The following PID1 variants were observed in gnomAD, a reference collection of about 807,000 sequenced individuals.
The protein encoded by PID1 is phosphotyrosine interaction domain containing 1.
In PID1, 10 loss-of-function variants were observed where a neutral mutation model predicts 19.1. The ratio of observed to expected loss-of-function variants is 0.52; its 90% CI spans 0.32 to 0.89. The LOEUF is 0.89. Among genes scored for constraint, PID1 ranks in the 40% least tolerant of loss-of-function variants. PID1 has a pLI of 0.03. For synonymous variants in PID1, 130 were observed against 116.0 expected (o/e 1.12, Z -0.78); for missense variants, 248 against 285.3 (o/e 0.87, Z 0.94).
At chr2:229,122,472 G>A (rs1695543168) in intron 2 of PID1, among the ~76,000 whole-genome samples, 2 of 152,006 alleles carry the variant, frequency 1.3e-5, no homozygotes, top group South Asian at 4.2e-4. Flanking sequence ...AAAACCCTGG[G>A]GTTTTACAGC....
intron 2 of PID1, among the ~76,000 whole-genome samples, chr2:229,060,785 C>T (rs2106192721): frequency 6.6e-6 from 1 of 152,116 alleles, no homozygotes; most frequent in South Asian, 2.1e-4. Flanking sequence ...CACTTCTTAC[C>T]ATCTGTCTTT....
At chr2:229,228,942 G>T (rs548194764) in intron 1 of PID1, among the ~76,000 whole-genome samples, 1 of 152,240 alleles carries the variant, frequency 6.6e-6, no homozygotes, top group East Asian at 1.9e-4. Context: ...TTCTCTACCT[G>T]ACCTGGTGTG....
At chr2:229,177,158 C>T (rs1416654452) in intron 1 of PID1, among the ~76,000 whole-genome samples, 1 of 152,142 alleles carries the variant, frequency 6.6e-6, no homozygotes, top group Non-Finnish European at 1.5e-5. Context: ...AAGACCCACC[C>T]CCATGATTCA....
intron 2 of PID1, among the ~76,000 whole-genome samples, chr2:229,125,290 T>C (rs12474997): frequency 0.071 from 10,748 of 152,100 alleles, 535 homozygotes; most frequent in South Asian, 0.22. Context: ...ATCAGAGCCC[T>C]CCAGCAATGA....
At chr2:229,245,092 G>C (rs1689967944) in intron 1 of PID1, 1 of 152,074 alleles carries the variant, frequency 6.6e-6, no homozygotes, top group Non-Finnish European at 1.5e-5. Context: ...ACACTTAAAA[G>C]AGCTGTCCAA....
At chr2:229,046,520 T>TA (rs1045482867) in intron 2 of PID1, among the ~76,000 whole-genome samples, 15 of 152,076 alleles carry the variant, frequency 9.9e-5, no homozygotes, top group Non-Finnish European at 1.8e-4. Context: ...GGCTAGATCT[T>TA]ACGGTGAAAA....
intron 1 of PID1, among the ~76,000 whole-genome samples, chr2:229,239,970 T>G (rs1268292972): frequency 6.6e-6 from 1 of 152,010 alleles, no homozygotes; most frequent in Non-Finnish European, 1.5e-5. Flanking sequence ...TAGGTGGGAG[T>G]TCTATTTTCA....
chr2:229,055,079 C>T (rs1694072401), intron 2 of PID1, among the ~76,000 whole-genome samples: 1 of 152,122 alleles, frequency 6.6e-6, no homozygotes, highest in Non-Finnish European at 1.5e-5. Context: ...TGGTGACTGA[C>T]TAGGTACTCT....
At chr2:229,143,315 G>A (rs6711256) in intron 2 of PID1, among the ~76,000 whole-genome samples, 31,987 of 150,376 alleles carry the variant, frequency 0.21, 3,752 homozygotes, top group South Asian at 0.48. Context: ...CCTGCACATT[G>A]TGCACATGTA....
At chr2:229,097,244 G>C (rs2106224543) in intron 2 of PID1, among the ~76,000 whole-genome samples, 2 of 152,252 alleles carry the variant, frequency 1.3e-5, no homozygotes, top group Admixed American at 1.3e-4. Context: ...CATCGTAAAA[G>C]TAACAACCCC....
At chr2:229,270,969 C>A in intron 1 of PID1, 45 bp downstream of exon 1, 1 of 1,485,726 alleles carries the variant, frequency 6.7e-7, no homozygotes, top group Non-Finnish European at 8.9e-7. Context: ...TCTGCCCGGG[C>A]ACCTCCTCCT....
intron 2 of PID1, among the ~76,000 whole-genome samples, chr2:229,136,298 G>A (rs1166261086): frequency 2.6e-5 from 4 of 152,210 alleles, no homozygotes; most frequent in Admixed American, 2.6e-4. Flanking sequence ...CTTCTGATGA[G>A]ACCAATGCCC....
chr2:229,070,884 A>G (rs975962075), intron 2 of PID1, among the ~76,000 whole-genome samples: 1 of 152,202 alleles, frequency 6.6e-6, no homozygotes, highest in Non-Finnish European at 1.5e-5. Context: ...AAAGTTATGA[A>G]TGATCAAACA....
chr2:229,169,374 A>G (rs1030073203), intron 1 of PID1, among the ~76,000 whole-genome samples: 2 of 152,152 alleles, frequency 1.3e-5, no homozygotes, highest in Non-Finnish European at 2.9e-5. Flanking sequence ...TTATGATTGT[A>G]TAAATTATCT....
chr2:229,164,397 GA>G (rs763510207), intron 1 of PID1, among the ~76,000 whole-genome samples: 1 of 152,060 alleles, frequency 6.6e-6, no homozygotes, highest in Non-Finnish European at 1.5e-5. Flanking sequence ...GTGAATGATA[GA>G]ATAATAATAT....
At chr2:229,226,332 G>A (rs1692077059) in intron 1 of PID1, among the ~76,000 whole-genome samples, 1 of 152,128 alleles carries the variant, frequency 6.6e-6, no homozygotes, top group African/African-American at 2.4e-5. Flanking sequence ...GCTTTTAAAG[G>A]TACAGAATTT....
chr2:229,187,450 C>T (rs1279078281), intron 1 of PID1, among the ~76,000 whole-genome samples: 1 of 152,154 alleles, frequency 6.6e-6, no homozygotes, highest in African/African-American at 2.4e-5. Flanking sequence ...GTGCAAGTCA[C>T]ATCTTACATG....
chr2:229,221,452 C>G (rs570870695), intron 1 of PID1, among the ~76,000 whole-genome samples: 3 of 152,188 alleles, frequency 2.0e-5, no homozygotes, highest in Non-Finnish European at 4.4e-5. Context: ...AATCTGCAGC[C>G]CTCTTTGGCT....
chr2:229,258,164 T>A lies in PID1; in HGVS notation c.30+12850A>T, dbSNP rs541207220. Among the ~76,000 whole-genome samples the A allele has an allele frequency of 7.6e-4, 115 of 152,188 alleles. 1 individual carries two copies. The highest frequency in any genetic ancestry group is 2.6e-3 in the African/African-American group (109 of 41,538). ...GGGAGAGTCAGCTGGAACACCAACA[T>A]GCTAGAAACAGGAGAAAAATGCATG... On this transcript the variant is annotated intron_variant, in intron 1 of 2. Transcript: ENST00000392055.
Sources: gnomAD v4.1 joint callset for allele counts (sites outside exome capture counted in the v4.1 genomes callset) on GRCh38, gnomAD v4.1.1 for gene constraint, MANE v1.5 for transcripts, NCBI Gene and HGNC (gene_info 2026-07-23, HGNC 2026-07-21) for gene names.